ATP11C: variants seen among roughly 807,000 people sequenced by gnomAD.
ATP11C encodes the protein phospholipid-transporting ATPase IG.
ATP11C carries 36 observed loss-of-function variants against 97.4 expected under a neutral mutation model. The ratio of observed to expected loss-of-function variants is 0.37; its 90% CI spans 0.28 to 0.49. ATP11C has a LOEUF of 0.49. ATP11C is among the 20% of genes least tolerant of loss of function. The probability of loss-of-function intolerance (pLI) is 0.98; values close to 1 mark genes in which losing one functional copy is unlikely to be tolerated. For missense variants in ATP11C, 730 were observed against 824.6 expected (o/e 0.89, Z 1.40); for synonymous variants, 275 against 290.9 (o/e 0.95, Z 0.56).
At chrX:139,906,202 T>C (rs1436168405) in intron 1 of ATP11C, among the ~76,000 whole-genome samples, 1 of 107,811 alleles carries the variant, frequency 9.3e-6, no homozygotes, top group Non-Finnish European at 1.9e-5. Context: ...AAAGCATATG[T>C]AGCTTGAGCC....
chrX:139,773,816 A>G (rs1489067308), intron 19 of ATP11C, among the ~76,000 whole-genome samples: 1 of 112,131 alleles, frequency 8.9e-6, no homozygotes, highest in Non-Finnish European at 1.9e-5. Flanking sequence ...GGAATTGGAG[A>G]GACTTTCTGA....
chrX:139,790,607 T>C (rs1037571247), intron 12 of ATP11C, among the ~76,000 whole-genome samples: 6 of 111,181 alleles, frequency 5.4e-5, no homozygotes, highest in Non-Finnish European at 9.4e-5. Context: ...TTTTTTCCCC[T>C]TTTAAAAGTA....
At chrX:139,913,146 CTAAT>C (rs1292548741) in intron 1 of ATP11C, among the ~76,000 whole-genome samples, 129 of 111,697 alleles carry the variant, frequency 1.2e-3, no homozygotes, top group African/African-American at 4.1e-3. Flanking sequence ...CATTCTGCAA[CTAAT>C]TAATTGTATT....
chrX:139,935,723 G>A (rs1406272680), upstream of ATP11C, among the ~76,000 whole-genome samples: 1 of 111,663 alleles, frequency 9.0e-6, no homozygotes, highest in African/African-American at 3.3e-5. Flanking sequence ...CATTTTTATG[G>A]GATTTTTATT....
intron 23 of ATP11C, among the ~76,000 whole-genome samples, chrX:139,757,535 T>C (rs916251906): frequency 1.8e-5 from 2 of 111,817 alleles, no homozygotes; most frequent in Non-Finnish European, 3.8e-5. Context: ...TTTAGAATTA[T>C]GAAACACTTT....
chrX:139,911,190 A>G (rs2085068654), intron 1 of ATP11C, among the ~76,000 whole-genome samples: 1 of 111,712 alleles, frequency 9.0e-6, no homozygotes, highest in African/African-American at 3.2e-5. Context: ...TAGTAAAAGC[A>G]GAAGGCAAAG....
intron 1 of ATP11C, among the ~76,000 whole-genome samples, chrX:139,862,039 G>GAT (rs2147991609): frequency 9.0e-6 from 1 of 111,724 alleles, no homozygotes; most frequent in South Asian, 3.8e-4. Flanking sequence ...GAACAGACAA[G>GAT]CCTTGCTGGG....
chrX:139,881,250 A>T (rs1454379497), intron 1 of ATP11C, among the ~76,000 whole-genome samples: 1 of 111,287 alleles, frequency 9.0e-6, no homozygotes, highest in Non-Finnish European at 1.9e-5. Context: ...TCAAGTGGTA[A>T]CTCTAGGGAA....
intron 19 of ATP11C, among the ~76,000 whole-genome samples, chrX:139,772,038 C>G (rs949294848): frequency 8.9e-6 from 1 of 112,060 alleles, no homozygotes; most frequent in Non-Finnish European, 1.9e-5. Flanking sequence ...CCATCACAGG[C>G]CCGGAGGCCC....
At chrX:139,777,852 G>C (rs1457200827) in intron 18 of ATP11C, among the ~76,000 whole-genome samples, 2 of 108,010 alleles carry the variant, frequency 1.9e-5, no homozygotes, top group Non-Finnish European at 3.8e-5. Context: ...CCAGAAGATT[G>C]GGGATGTAGT....
chrX:139,895,092 G>A (rs779071279), intron 1 of ATP11C, among the ~76,000 whole-genome samples: 1 of 112,198 alleles, frequency 8.9e-6, no homozygotes, highest in East Asian at 2.8e-4. Context: ...ATTCTTCCAC[G>A]TGGTAAACGG....
At chrX:139,748,673 T>C (rs2148646470) in intron 24 of ATP11C, among the ~76,000 whole-genome samples, 1 of 111,669 alleles carries the variant, frequency 9.0e-6, no homozygotes, top group South Asian at 3.8e-4. Context: ...CATCTAATTA[T>C]GCATTTACAA....
At chrX:139,857,931 C>T (rs1468494283) in intron 1 of ATP11C, among the ~76,000 whole-genome samples, 1 of 112,279 alleles carries the variant, frequency 8.9e-6, no homozygotes, top group Non-Finnish European at 1.9e-5. Flanking sequence ...ATGTGATTGC[C>T]ACTATGATGG....
intron 18 of ATP11C, among the ~76,000 whole-genome samples, chrX:139,780,760 C>T (rs191068612): frequency 0.01 from 1,134 of 111,925 alleles, 45 homozygotes; most frequent in Admixed American, 0.1. Context: ...AAAGTAAAAT[C>T]GTGTCCTTTG....
chrX:139,812,819 C>T (rs747135882), intron 5 of ATP11C, among the ~76,000 whole-genome samples: 1 of 112,252 alleles, frequency 8.9e-6, no homozygotes, highest in East Asian at 2.8e-4. Flanking sequence ...TGTACTCAGT[C>T]TGCCTTTGGT....
chrX:139,914,078 G>C (rs1409632030), intron 1 of ATP11C, among the ~76,000 whole-genome samples: 1 of 111,685 alleles, frequency 9.0e-6, no homozygotes, highest in Non-Finnish European at 1.9e-5. Flanking sequence ...TATAAAGCTG[G>C]GAAATAACTT....
At chrX:139,861,819 T>C (rs1481115663) in intron 1 of ATP11C, among the ~76,000 whole-genome samples, 5 of 111,081 alleles carry the variant, frequency 4.5e-5, no homozygotes, top group Non-Finnish European at 9.4e-5. Flanking sequence ...ATCCACAGTT[T>C]CTAGCTCATA....
intron 1 of ATP11C, among the ~76,000 whole-genome samples, chrX:139,891,492 C>T (rs1330256948): frequency 8.9e-6 from 1 of 111,800 alleles, no homozygotes; most frequent in East Asian, 2.8e-4. Context: ...CTCATTCTCC[C>T]GCCCAATGTA....
intron 1 of ATP11C, among the ~76,000 whole-genome samples, chrX:139,879,388 T>C (rs1437718092): frequency 9.2e-6 from 1 of 109,088 alleles, no homozygotes; most frequent in East Asian, 2.9e-4. Flanking sequence ...TGAATGAACC[T>C]AGAGGACAGT....
Sources: allele counts gnomAD v4.1 joint callset (sites outside exome capture counted in the v4.1 genomes callset), GRCh38; gene constraint gnomAD v4.1.1; transcripts MANE v1.5; gene names NCBI Gene and HGNC (gene_info 2026-07-23, HGNC 2026-07-21).